Variants in LRRC4C observed in about 807,000 individuals in gnomAD.
LRRC4C encodes leucine rich repeat containing 4C, also known as leucine-rich repeat-containing protein 4C.
LRRC4C carries 5 observed loss-of-function variants against 33.6 expected under a neutral mutation model. The observed-to-expected ratio is 0.15, with a 90% CI of 0.08 to 0.31. The LOEUF is 0.31. Among genes scored for constraint, LRRC4C ranks in the 10% least tolerant of loss-of-function variants. The probability of loss-of-function intolerance (pLI) is 1.00; values close to 1 mark genes in which losing one functional copy is unlikely to be tolerated. For missense variants in LRRC4C, 560 were observed against 796.7 expected, an observed-to-expected ratio of 0.70 and a Z score of 3.58; for synonymous variants, 329 against 302.0, an observed-to-expected ratio of 1.09 and a Z score of -0.93.
intron 3 of LRRC4C, among the ~76,000 whole-genome samples, chr11:40,388,865 AG>A (rs1289718568): frequency 6.6e-6 from 1 of 152,188 alleles, no homozygotes; most frequent in East Asian, 1.9e-4. Flanking sequence ...CCTGAAGTTC[AG>A]AGGACGAGGT....
At chr11:40,280,359 G>A (rs747899000) in intron 4 of LRRC4C, among the ~76,000 whole-genome samples, 1 of 152,206 alleles carries the variant, frequency 6.6e-6, no homozygotes, top group Non-Finnish European at 1.5e-5. Flanking sequence ...CACATGCCGG[G>A]ATATGAAAGG....
chr11:40,742,051 G>T (rs904788899), intron 2 of LRRC4C, among the ~76,000 whole-genome samples: 4 of 151,938 alleles, frequency 2.6e-5, no homozygotes, highest in South Asian at 2.1e-4. Context: ...ATCTAATATT[G>T]CCATAAAGGG....
intron 1 of LRRC4C, among the ~76,000 whole-genome samples, chr11:41,014,778 T>G (rs1361897101): frequency 6.6e-6 from 1 of 152,028 alleles, no homozygotes; most frequent in Non-Finnish European, 1.5e-5. Flanking sequence ...GGGGGATCAG[T>G]CTCCTCGGTG....
intron 1 of LRRC4C, among the ~76,000 whole-genome samples, chr11:41,412,529 G>A (rs1248366029): frequency 2.6e-5 from 4 of 152,142 alleles, no homozygotes; most frequent in Middle Eastern, 3.2e-3. Context: ...AATGGAGGGT[G>A]ATTAAGACCA....
intron 1 of LRRC4C, among the ~76,000 whole-genome samples, chr11:41,065,464 G>C (rs967301573): frequency 2.6e-5 from 4 of 152,186 alleles, no homozygotes; most frequent in African/African-American, 9.6e-5. Context: ...GGCCGGTGCA[G>C]ACTCAGGTTC....
At chr11:41,284,812 CT>C (rs1949774133) in intron 1 of LRRC4C, among the ~76,000 whole-genome samples, 1 of 152,188 alleles carries the variant, frequency 6.6e-6, no homozygotes, top group Non-Finnish European at 1.5e-5. Flanking sequence ...TTGATTTCCC[CT>C]AATGCTGTCT....
intron 1 of LRRC4C, among the ~76,000 whole-genome samples, chr11:41,379,195 G>A (rs1402769813): frequency 6.6e-6 from 1 of 152,072 alleles, no homozygotes; most frequent in Non-Finnish European, 1.5e-5. Context: ...CAAGTAACTT[G>A]TCACTTGCAC....
chr11:40,275,302 CAG>C (rs10547386), intron 4 of LRRC4C, among the ~76,000 whole-genome samples: 12,232 of 152,120 alleles, frequency 0.08, 590 homozygotes, highest in African/African-American at 0.12. Flanking sequence ...AATATGCAAA[CAG>C]GGGGAGATTT....
At chr11:41,068,329 G>A (rs1381842836) in intron 1 of LRRC4C, among the ~76,000 whole-genome samples, 1 of 152,086 alleles carries the variant, frequency 6.6e-6, no homozygotes, top group Non-Finnish European at 1.5e-5. Context: ...GGAGGTGGAG[G>A]TTGCGGTGAG....
chr11:40,594,777 A>C (rs1959193509), intron 3 of LRRC4C, among the ~76,000 whole-genome samples: 1 of 152,176 alleles, frequency 6.6e-6, no homozygotes, highest in Admixed American at 6.6e-5. Flanking sequence ...GCAATTATCA[A>C]AATAACATTT....
chr11:40,399,709 CACG>C (rs1949687367), intron 3 of LRRC4C, among the ~76,000 whole-genome samples: 2 of 151,896 alleles, frequency 1.3e-5, no homozygotes, highest in Admixed American at 1.3e-4. Context: ...CCACCACCAC[CACG>C]ACAACAACAA....
intron 2 of LRRC4C, among the ~76,000 whole-genome samples, chr11:40,674,401 T>C (rs1210116358): frequency 6.6e-6 from 1 of 152,128 alleles, no homozygotes; most frequent in Non-Finnish European, 1.5e-5. Context: ...AAGAGAGCAA[T>C]AAAATCTAGC....
intron 3 of LRRC4C, among the ~76,000 whole-genome samples, chr11:40,498,641 G>A (rs1348511796): frequency 2.0e-5 from 3 of 152,148 alleles, no homozygotes; most frequent in Admixed American, 1.3e-4. Context: ...TTGCTACTTA[G>A]CAATGTTGTG....
At chr11:40,912,849 A>G (rs1956764926) in intron 2 of LRRC4C, among the ~76,000 whole-genome samples, 1 of 152,272 alleles carries the variant, frequency 6.6e-6, no homozygotes, top group Admixed American at 6.5e-5. Flanking sequence ...GGGATGGAGG[A>G]AGATCTACCA....
At chr11:40,990,004 T>C (rs915565921) in intron 1 of LRRC4C, among the ~76,000 whole-genome samples, 1 of 151,668 alleles carries the variant, frequency 6.6e-6, no homozygotes, top group Admixed American at 6.6e-5. Flanking sequence ...GTGTAGGCTG[T>C]ACTCAAATAC....
At chr11:40,831,019 C>T (rs1409339291) in intron 2 of LRRC4C, among the ~76,000 whole-genome samples, 1 of 152,066 alleles carries the variant, frequency 6.6e-6, no homozygotes, top group Admixed American at 6.6e-5. Context: ...GTTAGTAAAG[C>T]TTCAAACACT....
intron 3 of LRRC4C, among the ~76,000 whole-genome samples, chr11:40,412,731 A>C (rs905347234): frequency 6.6e-6 from 1 of 152,146 alleles, no homozygotes; most frequent in Non-Finnish European, 1.5e-5. Context: ...TAGGCTATGA[A>C]GGCTCAAATT....
intron 1 of LRRC4C, among the ~76,000 whole-genome samples, chr11:41,147,842 T>C (rs1164076420): frequency 2.0e-5 from 3 of 152,038 alleles, no homozygotes; most frequent in African/African-American, 7.2e-5. Context: ...GTAATCCCAA[T>C]ACTTTGGGAG....
At chr11:40,320,462 C>T (rs772796225) in intron 3 of LRRC4C, among the ~76,000 whole-genome samples, 12 of 151,946 alleles carry the variant, frequency 7.9e-5, no homozygotes, top group South Asian at 2.1e-4. Flanking sequence ...GCTGAGATCG[C>T]GCCACTGCAC....
Sources: allele counts gnomAD v4.1 joint callset (sites outside exome capture counted in the v4.1 genomes callset), GRCh38; gene constraint gnomAD v4.1.1; transcripts MANE v1.5; gene names NCBI Gene and HGNC (gene_info 2026-07-23, HGNC 2026-07-21).